The following CHN2 variants were observed in gnomAD, a reference collection of about 807,000 sequenced individuals.
CHN2 encodes the protein chimerin 2.
A neutral mutation model predicts 56.3 loss-of-function variants in CHN2; 35 were observed. The observed-to-expected ratio is 0.62, with a 90% CI of 0.47 to 0.82. CHN2 has a LOEUF of 0.82. Among genes scored for constraint, CHN2 ranks in the 40% least tolerant of loss-of-function variants. The pLI, the probability that CHN2 is intolerant of heterozygous loss-of-function variation, is 0.00. For missense variants in CHN2, 491 were observed against 580.5 expected (o/e 0.85, Z 1.58); for synonymous variants, 210 against 212.8 (o/e 0.99, Z 0.12).
At chr7:29,247,886 G>A (rs1419963029) in intron 1 of CHN2, among the ~76,000 whole-genome samples, 2 of 152,172 alleles carry the variant, frequency 1.3e-5, no homozygotes, top group African/African-American at 4.8e-5. Context: ...TGTTTATACT[G>A]TTTTTGATTT....
chr7:29,419,542 G>A (rs1209896718), intron 6 of CHN2, among the ~76,000 whole-genome samples: 1 of 151,982 alleles, frequency 6.6e-6, no homozygotes, highest in Non-Finnish European at 1.5e-5. Context: ...AAAGTGAAAA[G>A]GCAACTTATG....
upstream of CHN2, chr7:29,193,677 G>T (rs1562819526): frequency 6.6e-6 from 1 of 152,208 alleles, no homozygotes; most frequent in Non-Finnish European, 1.5e-5. Context: ...AATACAGGGG[G>T]AAGGGACACA....
chr7:29,320,115 G>T (rs368918969), intron 1 of CHN2, among the ~76,000 whole-genome samples: 5 of 152,150 alleles, frequency 3.3e-5, no homozygotes, highest in African/African-American at 1.2e-4. Context: ...TATTAAAGAG[G>T]AAGCAACAGA....
Position 29,203,490 on chromosome 7 carries a change from A to G in CHN2, c.49+8500A>G, listed in dbSNP as rs1282491642. 2.0e-5 allele frequency among the ~76,000 whole-genome samples: 3 copies of G among 151,314 alleles called. No individual in the cohort carries two copies. In the East Asian group the frequency reaches 5.8e-4, roughly 29 times the overall value. The stretch of plus-strand genomic sequence containing the variant: ...CTCAAAAAAAAAAAAAAAAAAAAAA[A>G]AAGGATCTATTAAGCTAAATATAAT... On this transcript the variant is annotated intron_variant, in intron 1 of 12. Transcript: ENST00000222792.
intron 1 of CHN2, chr7:29,212,517 A>T (rs1227915706): frequency 6.4e-7 from 1 of 1,554,270 alleles, no homozygotes; most frequent in Admixed American, 1.7e-5. Flanking sequence ...ACCAGTCCCA[A>T]AGGCAAACAA....
chr7:29,464,527 C>T (rs998196967), intron 6 of CHN2, among the ~76,000 whole-genome samples: 9 of 152,168 alleles, frequency 5.9e-5, no homozygotes, highest in South Asian at 2.1e-4. Flanking sequence ...ATTCTGCACA[C>T]GTATCCTGGA....
chr7:29,376,993 T>G (rs756757572), intron 3 of CHN2, among the ~76,000 whole-genome samples: 1 of 152,160 alleles, frequency 6.6e-6, no homozygotes, highest in Non-Finnish European at 1.5e-5. Context: ...ACAAAGCTAT[T>G]TCAAATTCAG....
At chr7:29,312,474 A>T (rs2128887579) in intron 1 of CHN2, among the ~76,000 whole-genome samples, 1 of 152,286 alleles carries the variant, frequency 6.6e-6, no homozygotes, top group Non-Finnish European at 1.5e-5. Context: ...CATGCCATAG[A>T]TTTTGTCTGG....
At chr7:29,348,324 G>C (rs1562535832) in intron 1 of CHN2, among the ~76,000 whole-genome samples, 1 of 152,122 alleles carries the variant, frequency 6.6e-6, no homozygotes, top group East Asian at 1.9e-4. Flanking sequence ...GTTTTCTTAA[G>C]GTGGCTTTCA....
chr7:29,180,122 A>G (rs186977426), intron 2 of CHN2, among the ~76,000 whole-genome samples: 72 of 152,338 alleles, frequency 4.7e-4, no homozygotes, highest in African/African-American at 6.5e-4. Context: ...TCCGAAGTCA[A>G]TCTGTTCCCC....
chr7:29,301,409 A>C (rs537513986), intron 1 of CHN2, among the ~76,000 whole-genome samples: 1 of 150,806 alleles, frequency 6.6e-6, no homozygotes, highest in Non-Finnish European at 1.5e-5. Flanking sequence ...ATTCATCTGG[A>C]ATCTAAGTGC....
At chr7:29,398,341 T>C in intron 4 of CHN2, 32 bp from the exon 5 acceptor site, 1 of 1,481,288 alleles carries the variant, frequency 6.8e-7, no homozygotes, top group South Asian at 1.1e-5. Flanking sequence ...GTATGTGGTC[T>C]GTTCAGAGCA....
At chr7:29,257,436 G>T (rs1789165904) in intron 1 of CHN2, among the ~76,000 whole-genome samples, 1 of 152,144 alleles carries the variant, frequency 6.6e-6, no homozygotes, top group African/African-American at 2.4e-5. Flanking sequence ...TGCTGTCCCT[G>T]TTCCTTGGGC....
In CHN2 at chr7:29,189,280, C is replaced by A. The variant is rs1168663329; in HGVS notation, c.274+42320C>A. ...TTCCCTCATATCTTTATTCCCCAGG[C>A]CTCGTATACTCCCTGGCACATAATG... On this transcript the variant is annotated intron_variant, in intron 2 of 6. Coordinates refer to the CHN2 transcript ENST00000439384. 2.0e-5 allele frequency among the ~76,000 whole-genome samples: 3 copies of A among 152,194 alleles called. No homozygotes were observed. The East Asian group carries it at 5.8e-4, about 29-fold the overall frequency.
chr7:29,259,382 G>A (rs535587162), intron 1 of CHN2, among the ~76,000 whole-genome samples: 1 of 151,822 alleles, frequency 6.6e-6, no homozygotes, highest in East Asian at 1.9e-4. Flanking sequence ...CAAAGAAGAA[G>A]GAAGATCTCT....
chr7:29,498,574 T>C (rs934169087), intron 8 of CHN2, among the ~76,000 whole-genome samples: 6 of 152,210 alleles, frequency 3.9e-5, no homozygotes, highest in African/African-American at 1.4e-4. Flanking sequence ...CTTGGTGTGC[T>C]TAAGTGCTAT....
At position 29,264,823 on chromosome 7, in the gene CHN2, A is replaced by G. The variant is rs987152438; in HGVS notation, c.49+69833A>G. Among the ~76,000 whole-genome samples, 579 of 139,934 alleles carry G rather than the reference A, an allele frequency of 4.1e-3. 8 individuals carry two copies. Among genetic ancestry groups the G allele is most frequent in the Middle Eastern group, 0.016 (4 of 256 alleles). 91.8% of individuals were successfully genotyped at this position (139,934 alleles called of 152,430 possible). On this transcript the variant is annotated intron_variant, in intron 1 of 12. Transcript: ENST00000222792. The stretch of plus-strand genomic sequence containing the variant: ...TGATCAATAAATACTAAAAGGGGAA[A>G]AAAAAAAAAAGAATTTAAAAATTAA...
At chr7:29,217,469 T>G (rs1465496496) in intron 1 of CHN2, among the ~76,000 whole-genome samples, 2 of 152,216 alleles carry the variant, frequency 1.3e-5, no homozygotes, top group African/African-American at 4.8e-5. Context: ...AGGGCCATTG[T>G]GGAAATATTT....
intron 6 of CHN2, among the ~76,000 whole-genome samples, chr7:29,438,574 G>A (rs551815084): frequency 6.6e-6 from 1 of 151,932 alleles, no homozygotes; most frequent in African/African-American, 2.4e-5. Context: ...CTTTGCAAAT[G>A]TTCAACTATT....
Sources: gnomAD v4.1 joint callset for allele counts (sites outside exome capture counted in the v4.1 genomes callset) on GRCh38, gnomAD v4.1.1 for gene constraint, MANE v1.5 for transcripts, NCBI Gene and HGNC (gene_info 2026-07-23, HGNC 2026-07-21) for gene names.